Variants in KCNIP4 observed in about 807,000 individuals in gnomAD.
KCNIP4 encodes potassium voltage-gated channel interacting protein 4.
Under a neutral mutation model 34.0 loss-of-function variants are expected in KCNIP4, and 12 were observed. The observed-to-expected ratio is 0.35, with a 90% CI of 0.23 to 0.57. The LOEUF is 0.57. KCNIP4 is among the 20% of genes least tolerant of loss of function. KCNIP4 has a pLI of 0.83. For missense variants in KCNIP4, 238 were observed against 311.7 expected (o/e 0.76, Z 1.78); for synonymous variants, 124 against 102.2 (o/e 1.21, Z -1.29).
intron 1 of KCNIP4, among the ~76,000 whole-genome samples, chr4:20,900,441 G>A (rs1727042394): frequency 6.6e-6 from 1 of 152,178 alleles, no homozygotes. Flanking sequence ...ACAAGGCCTA[G>A]CATTGACTGT....
chr4:21,199,789 C>A (rs1360544466), intron 1 of KCNIP4, among the ~76,000 whole-genome samples: 1 of 109,318 alleles, frequency 9.1e-6, no homozygotes, highest in Non-Finnish European at 1.8e-5. Flanking sequence ...TTGGAACCAA[C>A]CCAAATGTCC....
At chr4:20,892,549 GCT>G (rs1446303309) in intron 1 of KCNIP4, among the ~76,000 whole-genome samples, 1 of 151,774 alleles carries the variant, frequency 6.6e-6, no homozygotes, top group Admixed American at 6.6e-5. Context: ...ATCTTTTTCT[GCT>G]CTGTTTCTGT....
chr4:21,707,274 C>A (rs1340085280), intron 1 of KCNIP4, among the ~76,000 whole-genome samples: 1 of 152,024 alleles, frequency 6.6e-6, no homozygotes, highest in Non-Finnish European at 1.5e-5. Context: ...TTGAGTGTGA[C>A]AATGTGAACA....
chr4:21,335,904 C>G (rs1196145809), intron 1 of KCNIP4, among the ~76,000 whole-genome samples: 1 of 152,082 alleles, frequency 6.6e-6, no homozygotes, highest in African/African-American at 2.4e-5. Context: ...TAATTGATTA[C>G]CGATGCTCTG....
At chr4:21,663,065 C>T (rs1205969377) in intron 1 of KCNIP4, among the ~76,000 whole-genome samples, 1 of 152,024 alleles carries the variant, frequency 6.6e-6, no homozygotes, top group African/African-American at 2.4e-5. Context: ...AGGTTAAGAC[C>T]TTAGAGGCCT....
intron 1 of KCNIP4, among the ~76,000 whole-genome samples, chr4:21,735,796 A>G (rs528540711): frequency 6.6e-6 from 1 of 152,316 alleles, no homozygotes; most frequent in Non-Finnish European, 1.5e-5. Flanking sequence ...ACAAAAATCC[A>G]AACTAGAAAC....
intron 1 of KCNIP4, among the ~76,000 whole-genome samples, chr4:21,685,713 C>G (rs905707881): frequency 4.6e-5 from 7 of 152,204 alleles, no homozygotes; most frequent in African/African-American, 1.7e-4. Flanking sequence ...AGAATATATT[C>G]TGACACAAAA....
intron 1 of KCNIP4, among the ~76,000 whole-genome samples, chr4:21,526,599 CTTTAA>C (rs755326216): frequency 6.6e-5 from 10 of 151,976 alleles, no homozygotes; most frequent in South Asian, 2.1e-4. Flanking sequence ...TAGCTTATAA[CTTTAA>C]TTTGTCTTAA....
intron 1 of KCNIP4, among the ~76,000 whole-genome samples, chr4:21,148,701 C>G (rs1752558194): frequency 6.7e-6 from 1 of 149,648 alleles, no homozygotes; most frequent in South Asian, 2.1e-4. Context: ...AAAAAAAAAG[C>G]TGAAGTAAAC....
At chr4:21,300,350 G>A (rs967049965) in intron 1 of KCNIP4, among the ~76,000 whole-genome samples, 2 of 152,066 alleles carry the variant, frequency 1.3e-5, no homozygotes, top group African/African-American at 4.8e-5. Flanking sequence ...TAATTCTGGA[G>A]CCTCCTAAAC....
At chr4:20,968,853 C>G (rs1173556433) in intron 1 of KCNIP4, among the ~76,000 whole-genome samples, 2 of 152,002 alleles carry the variant, frequency 1.3e-5, no homozygotes, top group Non-Finnish European at 2.9e-5. Context: ...GTGCAGCAAA[C>G]CAGCATGGCA....
chr4:20,837,389 G>A (rs998631605), intron 3 of KCNIP4, among the ~76,000 whole-genome samples: 3 of 151,942 alleles, frequency 2.0e-5, no homozygotes, highest in African/African-American at 7.2e-5. Flanking sequence ...ATGCCTGCAG[G>A]ATCACTGGAA....
chr4:21,914,537 T>A lies in KCNIP4; in HGVS notation c.61+34034A>T, dbSNP rs185146007. On this transcript the variant is annotated intron_variant, in intron 1 of 8. Transcript: ENST00000382152. ...GCACCATGTGTCTCTCTGTCTAAAA[T>A]GCTTCCCCCAGGCCTTTGCTGGTTT... Among the ~76,000 whole-genome samples, 26 of 152,250 alleles carry A rather than the reference T, an allele frequency of 1.7e-4. No individual in the cohort carries two copies. In the East Asian group the frequency reaches 4.8e-3, roughly 28 times the overall value.
At chr4:21,000,911 A>G (rs1738072341) in intron 1 of KCNIP4, among the ~76,000 whole-genome samples, 2 of 152,224 alleles carry the variant, frequency 1.3e-5, no homozygotes, top group Non-Finnish European at 1.5e-5. Flanking sequence ...CTCTCAAATT[A>G]CATGCTTCCA....
chr4:20,924,736 A>C (rs1729730187), intron 1 of KCNIP4, among the ~76,000 whole-genome samples: 1 of 152,198 alleles, frequency 6.6e-6, no homozygotes, highest in South Asian at 2.1e-4. Flanking sequence ...CATCTTTTAG[A>C]AACTTCAAAA....
At position 21,293,109 on chromosome 4, in the gene KCNIP4, T is replaced by A. The variant is rs148401077; in HGVS notation, c.62-410400A>T. ...AAAACAAATGATAATAAATAGGAGA[T>A]AATATTCACCCTTGCCTCATCTACT... On this transcript the variant is annotated intron_variant, in intron 1 of 8. Transcript: ENST00000382152. Among the ~76,000 whole-genome samples the A allele has an allele frequency of 2.4e-3, 358 of 152,264 alleles. 2 individuals carry two copies. The highest frequency in any genetic ancestry group is 7.7e-3 in the African/African-American group (318 of 41,546).
chr4:21,270,371 A>G (rs1472625641), intron 1 of KCNIP4, among the ~76,000 whole-genome samples: 2 of 150,046 alleles, frequency 1.3e-5, no homozygotes, highest in African/African-American at 4.9e-5. Context: ...TAATGTGCAG[A>G]CATACACTCA....
chr4:20,956,682 T>C (rs561834249), intron 1 of KCNIP4, among the ~76,000 whole-genome samples: 1 of 152,318 alleles, frequency 6.6e-6, no homozygotes, highest in East Asian at 1.9e-4. Flanking sequence ...AAGAAATGTA[T>C]TCTAAATCTT....
intron 1 of KCNIP4, among the ~76,000 whole-genome samples, chr4:21,794,895 A>C (rs1720524868): frequency 6.6e-6 from 1 of 152,010 alleles, no homozygotes; most frequent in African/African-American, 2.4e-5. Context: ...AAAACCAAAA[A>C]ACGAACAAAC....
Sources: gnomAD v4.1 joint callset for allele counts (sites outside exome capture counted in the v4.1 genomes callset) on GRCh38, gnomAD v4.1.1 for gene constraint, MANE v1.5 for transcripts, NCBI Gene and HGNC (gene_info 2026-07-23, HGNC 2026-07-21) for gene names.